The following RIPK1 variants were observed in gnomAD, a reference collection of about 807,000 sequenced individuals.
The protein encoded by RIPK1 is receptor-interacting serine/threonine-protein kinase 1.
In RIPK1, 27 loss-of-function variants were observed where a neutral mutation model predicts 62.4. The observed-to-expected ratio is 0.43, with a 90% CI of 0.32 to 0.60. The LOEUF (loss-of-function observed/expected upper bound fraction) is 0.60, where lower values mean the gene tolerates loss of function less well. Ranked by LOEUF, RIPK1 falls within the 20% of genes least tolerant of loss-of-function variation. The pLI, the probability that RIPK1 is intolerant of heterozygous loss-of-function variation, is 0.07. For synonymous variants in RIPK1, 287 were observed against 303.2 expected, an observed-to-expected ratio of 0.95 and a Z score of 0.55; for missense variants, 735 against 831.0, an observed-to-expected ratio of 0.88 and a Z score of 1.42.
At chr6:3,086,603 C>G (rs1332908269) in intron 6 of RIPK1, among the ~76,000 whole-genome samples, 1 of 152,190 alleles carries the variant, frequency 6.6e-6, no homozygotes, top group Non-Finnish European at 1.5e-5. Context: ...GGGTACAATT[C>G]AGAAACAGCC....
At chr6:3,094,888 C>G (rs902377841) in intron 7 of RIPK1, among the ~76,000 whole-genome samples, 2 of 151,588 alleles carry the variant, frequency 1.3e-5, no homozygotes, top group African/African-American at 2.4e-5. Context: ...ACAGTGAGAC[C>G]CCATCTCTAA....
At chr6:3,089,476 T>A in intron 6 of RIPK1, 105 bp from the exon 7 acceptor site, 1 of 671,224 alleles carries the variant, frequency 1.5e-6, no homozygotes, top group East Asian at 2.7e-5. Context: ...TATTTAAGCT[T>A]TGCCCACAGA....
intron 8 of RIPK1, 147 bp downstream of exon 8, chr6:3,104,462 C>G (rs10498658): frequency 8.8e-6 from 5 of 568,678 alleles, no homozygotes; most frequent in Non-Finnish European, 1.6e-5. Flanking sequence ...TAATAATATT[C>G]GAGAGTCAAG....
chr6:3,113,737 GGTCAT>G lies in RIPK1; in HGVS notation c.*401_*405del, dbSNP rs1385863321. The G allele has an allele frequency of 6.3e-6, 1 of 159,310 alleles. No homozygotes were observed. Among genetic ancestry groups the G allele is most frequent in the Non-Finnish European group, 1.4e-5 (1 of 72,904 alleles). 9.9% of individuals were successfully genotyped at this position (159,310 alleles called of 1,614,324 possible). On this transcript the variant is annotated 3_prime_UTR_variant, in exon 11 of 11. Coordinates refer to ENST00000259808, the MANE Select transcript of RIPK1 (RefSeq NM_001354930.2). This position sits in a 1 kb window ranked among gnomAD's most constrained non-coding sequence, Gnocchi z 5.0. ...AGGGAGAGAAGAGATGTCTGAGGAAGGTCATGTTCTTTCAGCTTATGGCATTTCCT... is the reference window on the plus strand; with the variant it reads ...AGGGAGAGAAGAGATGTCTGAGGAAGGTTCTTTCAGCTTATGGCATTTCCT...
At chr6:3,087,841 C>T (rs1180694230) in intron 6 of RIPK1, among the ~76,000 whole-genome samples, 13 of 152,282 alleles carry the variant, frequency 8.5e-5, no homozygotes, top group Non-Finnish European at 1.3e-4. Flanking sequence ...TCCGGCCTAC[C>T]GAGCTTTTTA....
intron 5 of RIPK1, among the ~76,000 whole-genome samples, 200 bp from the exon 6 acceptor site, chr6:3,085,059 T>C (rs1759617650): frequency 6.6e-6 from 1 of 152,224 alleles, no homozygotes; most frequent in Non-Finnish European, 1.5e-5. Flanking sequence ...GTCGAGAATT[T>C]TGTTTTATCT....
chr6:3,099,436 T>C (rs959088488), intron 7 of RIPK1, among the ~76,000 whole-genome samples: 3 of 151,968 alleles, frequency 2.0e-5, no homozygotes, highest in Non-Finnish European at 2.9e-5. Flanking sequence ...CCCAGCTACT[T>C]GGGAGGCTGA....
intron 7 of RIPK1, among the ~76,000 whole-genome samples, chr6:3,094,092 G>GCAGT (rs1358564757): frequency 1.7e-4 from 24 of 140,256 alleles, no homozygotes; most frequent in Admixed American, 3.4e-4. Context: ...CCTACCTCCT[G>GCAGT]CACCTAGTAA....
chr6:3,104,631 G>A (rs1760744590), intron 8 of RIPK1, among the ~76,000 whole-genome samples: 1 of 152,106 alleles, frequency 6.6e-6, no homozygotes, highest in African/African-American at 2.4e-5. Flanking sequence ...GTGACTTACA[G>A]CCAGGGTACA....
At chr6:3,068,392 G>C, upstream of RIPK1, 1 of 985,442 alleles carries the variant, frequency 1.0e-6, no homozygotes, top group Non-Finnish European at 1.2e-6. Flanking sequence ...GAGAGCTCCG[G>C]GACTCAGACC....
intron 1 of RIPK1, among the ~76,000 whole-genome samples, chr6:3,074,500 A>G (rs1758948106): frequency 6.6e-6 from 1 of 152,152 alleles, no homozygotes; most frequent in Non-Finnish European, 1.5e-5. Context: ...AACATTTTAC[A>G]AGTGTTTTCC....
Position 3,113,492 on chromosome 6 carries a change from G to T in RIPK1, c.*153G>T. The T allele has an allele frequency of 1.5e-6, 1 of 674,658 alleles. No individual in the cohort carries two copies. 41.8% of individuals were successfully genotyped at this position (674,658 alleles called of 1,614,324 possible). On this transcript the variant is annotated 3_prime_UTR_variant, in exon 11 of 11. Coordinates refer to ENST00000259808, the MANE Select transcript of RIPK1 (RefSeq NM_001354930.2). This position sits in a 1 kb window ranked among gnomAD's most constrained non-coding sequence, Gnocchi z 5.0. ...TTCCTGTACTTCATAGCTGGAGAAT[G>T]GGGAAAGAAATCTGCAGCAAAGGGG... is the stretch of plus-strand genomic sequence containing the variant.
intron 6 of RIPK1, among the ~76,000 whole-genome samples, chr6:3,087,813 C>T (rs905230658): frequency 1.3e-5 from 2 of 152,062 alleles, no homozygotes; most frequent in Non-Finnish European, 1.5e-5. Context: ...TGTGGGATTA[C>T]AGGTGTGAGC....
Position 3,083,213 on chromosome 6 carries a change from G to A in RIPK1, c.588G>A (p.Glu196=). The A allele has an allele frequency of 6.2e-7, 1 of 1,613,994 alleles. No individual in the cohort carries two copies. Among genetic ancestry groups the A allele is most frequent in the Non-Finnish European group, 8.5e-7 (1 of 1,180,004 alleles). The change falls in exon 5 of 11, where the codon GAG becomes GAA. Residue 196 remains glutamate, a synonymous_variant. Coordinates refer to ENST00000259808, the MANE Select transcript of RIPK1 (RefSeq NM_001354930.2). Reference sequence around the variant, plus strand: ...GCACCCTCTACTACATGGCGCCCGAGCACCTGAATGACGTCAACGCAAAGC... The same window carrying A: ...GCACCCTCTACTACATGGCGCCCGAACACCTGAATGACGTCAACGCAAAGC... ...NGGTLYYMAP[E]HLNDVNAKPT... is the part of the protein sequence containing the mutation.
intron 1 of RIPK1, chr6:3,068,880 AG>A (rs1227306411): frequency 5.6e-6 from 1 of 177,778 alleles, no homozygotes; most frequent in African/African-American, 2.4e-5. Context: ...GCTTGCGTGG[AG>A]GCCGGGGCGG....
In RIPK1 at chr6:3,114,897, G is replaced by A. The variant is rs1009688619; in HGVS notation, c.*1558G>A. The A allele has an allele frequency of 2.6e-5, 4 of 151,328 alleles. No individual in the cohort carries two copies. The highest frequency in any genetic ancestry group is 4.9e-5 in the African/African-American group (2 of 41,146). The allele number at this position is 151,328 out of a possible 1,614,324, so 9.4% of individuals were successfully genotyped here. On this transcript the variant is annotated 3_prime_UTR_variant, in exon 11 of 11. Transcript: ENST00000259808. This position sits in a 1 kb window ranked among gnomAD's most constrained non-coding sequence, Gnocchi z 5.0. ...TCCAAGGAAAGGGGAAAATTGCCCC[G>A]GTTGAGAAGAGCACTGCTGTAAAGT...
At chr6:3,070,377 G>A (rs1281777786) in intron 1 of RIPK1, among the ~76,000 whole-genome samples, 1 of 152,102 alleles carries the variant, frequency 6.6e-6, no homozygotes, top group Non-Finnish European at 1.5e-5. Flanking sequence ...TGGCAAAAAA[G>A]GTTGACTGTA....
intron 1 of RIPK1, among the ~76,000 whole-genome samples, chr6:3,071,766 T>C (rs10458070): frequency 0.43 from 65,035 of 152,026 alleles, 17,045 homozygotes; most frequent in Non-Finnish European, 0.59. Context: ...GGAGCTAAGC[T>C]CCCAAAGTCC....
chr6:3,103,308 T>A (rs1057009943), intron 7 of RIPK1, among the ~76,000 whole-genome samples: 24 of 138,418 alleles, frequency 1.7e-4, no homozygotes, highest in Non-Finnish European at 1.6e-4. Context: ...TTATTTATTT[T>A]TTTTTTGGAG....
Sources: allele counts gnomAD v4.1 joint callset (sites outside exome capture counted in the v4.1 genomes callset), GRCh38; gene constraint gnomAD v4.1.1; non-coding constraint Gnocchi (gnomAD v3.1); transcripts MANE v1.5; gene names NCBI Gene and HGNC (gene_info 2026-07-23, HGNC 2026-07-21).